HIBADH: variants seen among roughly 807,000 people sequenced by gnomAD.
HIBADH encodes 3-hydroxyisobutyrate dehydrogenase, mitochondrial.
Under a neutral mutation model 36.1 loss-of-function variants are expected in HIBADH, and 25 were observed. That is an observed-to-expected ratio of 0.69 (90% CI 0.50 to 0.97). HIBADH has a LOEUF of 0.97. Ranked by LOEUF, HIBADH falls within the 50% of genes least tolerant of loss-of-function variation. The probability of loss-of-function intolerance (pLI) is 0.00; values close to 1 mark genes in which losing one functional copy is unlikely to be tolerated. For missense variants in HIBADH, 421 were observed against 418.0 expected (o/e 1.01, Z -0.06); for synonymous variants, 160 against 149.5 (o/e 1.07, Z -0.51).
At chr7:27,625,806 G>A (rs1189964128) in intron 4 of HIBADH, among the ~76,000 whole-genome samples, 1 of 151,970 alleles carries the variant, frequency 6.6e-6, no homozygotes, top group African/African-American at 2.4e-5. Flanking sequence ...CTCTGATAAA[G>A]ATGTACACTT....
At chr7:27,573,548 G>C (rs746523259) in intron 4 of HIBADH, among the ~76,000 whole-genome samples, 2 of 152,144 alleles carry the variant, frequency 1.3e-5, no homozygotes, top group Non-Finnish European at 2.9e-5. Context: ...CTAAAAACAG[G>C]AGTGGAAGAA....
chr7:27,608,256 T>G (rs1365026182), intron 4 of HIBADH, among the ~76,000 whole-genome samples: 1 of 152,122 alleles, frequency 6.6e-6, no homozygotes. Flanking sequence ...AAAACAACAA[T>G]CTTCTACCTT....
At chr7:27,600,521 T>C (rs779942891) in intron 4 of HIBADH, among the ~76,000 whole-genome samples, 5 of 152,198 alleles carry the variant, frequency 3.3e-5, no homozygotes, top group Non-Finnish European at 5.9e-5. Flanking sequence ...CAATAATCCT[T>C]ATTCCCTTGG....
intron 2 of HIBADH, among the ~76,000 whole-genome samples, chr7:27,636,140 T>A (rs1785837320): frequency 6.6e-6 from 1 of 152,236 alleles, no homozygotes; most frequent in Non-Finnish European, 1.5e-5. Context: ...ACCCCCTTTT[T>A]ACATATCCAT....
intron 2 of HIBADH, among the ~76,000 whole-genome samples, chr7:27,647,232 G>C (rs1405097697): frequency 6.6e-6 from 1 of 152,216 alleles, no homozygotes; most frequent in Admixed American, 6.5e-5. Flanking sequence ...AGTGTCTGCA[G>C]CATGGAGACG....
chr7:27,607,077 G>C (rs994091495), intron 4 of HIBADH, among the ~76,000 whole-genome samples: 2 of 152,148 alleles, frequency 1.3e-5, no homozygotes, highest in African/African-American at 4.8e-5. Context: ...TTTCCTAACA[G>C]AGCAAAGTGC....
At chr7:27,592,420 A>G (rs1441523064) in intron 4 of HIBADH, among the ~76,000 whole-genome samples, 3 of 152,204 alleles carry the variant, frequency 2.0e-5, no homozygotes, top group South Asian at 4.1e-4. Context: ...GTCAGAAACC[A>G]AAATAGGAAA....
At chr7:27,529,159 C>T (rs965609224) in intron 7 of HIBADH, among the ~76,000 whole-genome samples, 1 of 152,134 alleles carries the variant, frequency 6.6e-6, no homozygotes, top group Non-Finnish European at 1.5e-5. Context: ...TGACAGTACA[C>T]GTGGTCACCC....
At chr7:27,535,364 A>C (rs1215625476) in intron 6 of HIBADH, among the ~76,000 whole-genome samples, 1 of 152,104 alleles carries the variant, frequency 6.6e-6, no homozygotes, top group Non-Finnish European at 1.5e-5. Flanking sequence ...AGTATGCAAG[A>C]AACTATTAAT....
intron 4 of HIBADH, among the ~76,000 whole-genome samples, chr7:27,555,847 T>G (rs1221240890): frequency 6.6e-6 from 1 of 152,122 alleles, no homozygotes; most frequent in Non-Finnish European, 1.5e-5. Flanking sequence ...ATGTCTATCT[T>G]CTCAAGTCAA....
At chr7:27,555,487 T>A (rs988279967) in intron 4 of HIBADH, among the ~76,000 whole-genome samples, 21 of 151,886 alleles carry the variant, frequency 1.4e-4, no homozygotes, top group African/African-American at 4.6e-4. Flanking sequence ...GAGTCAAAAT[T>A]TCAACTATCT....
intron 4 of HIBADH, among the ~76,000 whole-genome samples, chr7:27,609,991 A>T (rs926238708): frequency 6.6e-6 from 1 of 151,354 alleles, no homozygotes; most frequent in African/African-American, 2.4e-5. Context: ...TAATTTTTAT[A>T]TTTTTTTAGT....
At chr7:27,621,620 C>T (rs1004325987) in intron 4 of HIBADH, among the ~76,000 whole-genome samples, 24 of 151,832 alleles carry the variant, frequency 1.6e-4, no homozygotes, top group African/African-American at 5.8e-4. Context: ...AGTGAAACCC[C>T]GTCTTTACTA....
chr7:27,655,881 A>G (rs547434620), intron 1 of HIBADH, among the ~76,000 whole-genome samples: 1 of 152,318 alleles, frequency 6.6e-6, no homozygotes, highest in South Asian at 2.1e-4. Flanking sequence ...GGTAAGAAAT[A>G]ACTGATGAAA....
chr7:27,654,244 C>T (rs1217705954), intron 1 of HIBADH, among the ~76,000 whole-genome samples: 1 of 152,142 alleles, frequency 6.6e-6, no homozygotes, highest in East Asian at 1.9e-4. Context: ...AGCTGTGAGA[C>T]AGCTTCAACC....
chr7:27,654,709 G>A (rs1225482059), intron 1 of HIBADH, among the ~76,000 whole-genome samples: 1 of 148,542 alleles, frequency 6.7e-6, no homozygotes, highest in Admixed American at 6.7e-5. Context: ...TTTTTTTTTG[G>A]ACAGGGTCTC....
intron 4 of HIBADH, among the ~76,000 whole-genome samples, chr7:27,627,386 C>A (rs959675917): frequency 6.6e-6 from 1 of 152,164 alleles, no homozygotes; most frequent in Non-Finnish European, 1.5e-5. Flanking sequence ...CCTACCTGTT[C>A]AGACCCTTTA....
chr7:27,599,906 T>G (rs1785099276), intron 4 of HIBADH, among the ~76,000 whole-genome samples: 1 of 151,018 alleles, frequency 6.6e-6, no homozygotes, highest in African/African-American at 2.4e-5. Flanking sequence ...AATTCAGACA[T>G]AAGTAAAAGG....
intron 2 of HIBADH, 104 bp from the exon 3 acceptor site, chr7:27,632,549 G>A (rs922191143): frequency 2.0e-6 from 1 of 503,474 alleles, no homozygotes; most frequent in African/African-American, 2.1e-5. Context: ...CAGTGACAGT[G>A]CATAAAGACT....
Sources: allele counts gnomAD v4.1 joint callset (sites outside exome capture counted in the v4.1 genomes callset), GRCh38; gene constraint gnomAD v4.1.1; transcripts MANE v1.5; gene names NCBI Gene and HGNC (gene_info 2026-07-23, HGNC 2026-07-21).